The following CHL1 variants were observed in gnomAD, a reference collection of about 807,000 sequenced individuals.
CHL1 encodes the protein cell adhesion molecule L1 like, also known as neural cell adhesion molecule L1-like protein.
CHL1 carries 96 observed loss-of-function variants against 141.9 expected under a neutral mutation model. The ratio of observed to expected loss-of-function variants is 0.68; its 90% CI spans 0.57 to 0.80. CHL1 has a LOEUF of 0.80. Among genes scored for constraint, CHL1 ranks in the 30% least tolerant of loss-of-function variants. The probability of loss-of-function intolerance (pLI) is 0.00; values close to 1 mark genes in which losing one functional copy is unlikely to be tolerated. For synonymous variants in CHL1, 613 were observed against 502.2 expected, an observed-to-expected ratio of 1.22 and a Z score of -2.95; for missense variants, 1,820 against 1,457.2, an observed-to-expected ratio of 1.25 and a Z score of -4.05.
chr3:261,961 A>T (rs1311066354), intron 2 of CHL1, among the ~76,000 whole-genome samples: 1 of 133,472 alleles, frequency 7.5e-6, no homozygotes, highest in African/African-American at 2.9e-5. Context: ...GGCAGGATTC[A>T]CACGTTTAAG....
intron 2 of CHL1, among the ~76,000 whole-genome samples, chr3:250,937 A>G (rs1036949519): frequency 2.0e-5 from 3 of 152,138 alleles, no homozygotes; most frequent in Admixed American, 1.3e-4. Flanking sequence ...GTGGCTGTTA[A>G]GAGCCACAGG....
intron 1 of CHL1, among the ~76,000 whole-genome samples, chr3:226,427 T>TA (rs1318091278): frequency 3.4e-5 from 5 of 147,664 alleles, no homozygotes; most frequent in Non-Finnish European, 5.9e-5. Flanking sequence ...CACATATATA[T>TA]TTTTTAATTT....
intron 12 of CHL1, 137 bp downstream of exon 12, chr3:360,561 T>A: frequency 9.3e-6 from 8 of 861,288 alleles, no homozygotes; most frequent in Non-Finnish European, 1.4e-5. Context: ...TACATTTGAG[T>A]TTTAGACTTC....
intron 1 of CHL1, among the ~76,000 whole-genome samples, chr3:226,951 G>GTT (rs1438957124): frequency 6.6e-6 from 1 of 152,094 alleles, no homozygotes; most frequent in African/African-American, 2.4e-5. Flanking sequence ...AAAATGGAAA[G>GTT]TTTTTGCTAA....
intron 27 of CHL1, among the ~76,000 whole-genome samples, chr3:402,237 A>C (rs1002439056): frequency 1.3e-5 from 2 of 152,222 alleles, no homozygotes; most frequent in Non-Finnish European, 2.9e-5. Flanking sequence ...CATCCATAAG[A>C]GATAAGCTAA....
chr3:245,931 A>C (rs1693120359), intron 2 of CHL1, among the ~76,000 whole-genome samples: 1 of 152,106 alleles, frequency 6.6e-6, no homozygotes. Context: ...TTTCTCCAAG[A>C]GGGGTTCTCC....
chr3:389,148 A>G (rs1708021057), intron 19 of CHL1, 104 bp from the exon 20 acceptor site: 5 of 891,724 alleles, frequency 5.6e-6, no homozygotes, highest in Admixed American at 2.5e-5. Context: ...TCAACAAATG[A>G]CCATTTCATT....
At chr3:248,503 C>A (rs928746035) in intron 2 of CHL1, 3 of 152,016 alleles carry the variant, frequency 2.0e-5, no homozygotes, top group African/African-American at 7.2e-5. Flanking sequence ...ACACAAACGA[C>A]ATATTTAATG....
At chr3:342,445 A>G (rs1461647610) in intron 7 of CHL1, among the ~76,000 whole-genome samples, 1 of 152,140 alleles carries the variant, frequency 6.6e-6, no homozygotes, top group Non-Finnish European at 1.5e-5. Context: ...GGGGGAGAAA[A>G]CAACAGAGGC....
intron 6 of CHL1, 78 bp from the exon 7 acceptor site, chr3:341,834 G>A (rs1289646326): frequency 5.0e-6 from 6 of 1,199,814 alleles, no homozygotes; most frequent in African/African-American, 4.6e-5. Context: ...AAATAATAAT[G>A]TAAAAGAAAA....
intron 1 of CHL1, among the ~76,000 whole-genome samples, chr3:241,723 C>T (rs573880224): frequency 8.6e-5 from 13 of 152,024 alleles, no homozygotes; most frequent in Middle Eastern, 3.4e-3. Flanking sequence ...AATGTTGTTT[C>T]GCCTTAAATT....
At chr3:369,419 G>T (rs1284324013) in intron 15 of CHL1, among the ~76,000 whole-genome samples, 2 of 152,076 alleles carry the variant, frequency 1.3e-5, no homozygotes, top group African/African-American at 4.8e-5. Flanking sequence ...CTGGTGTAAA[G>T]GAATGCTTGT....
intron 1 of CHL1, among the ~76,000 whole-genome samples, chr3:208,582 C>A (rs1699640525): frequency 6.6e-6 from 1 of 152,180 alleles, no homozygotes; most frequent in African/African-American, 2.4e-5. Flanking sequence ...CTTTATTCAA[C>A]CAGATTTACA....
At chr3:401,883 A>G (rs748034564) in intron 27 of CHL1, among the ~76,000 whole-genome samples, 185 bp downstream of exon 27, 4 of 152,232 alleles carry the variant, frequency 2.6e-5, no homozygotes, top group Non-Finnish European at 4.4e-5. Context: ...GTGTGTGATG[A>G]GGGTGTATAA....
chr3:328,477 T>C, intron 5 of CHL1, 123 bp downstream of exon 5: 1 of 764,326 alleles, frequency 1.3e-6, no homozygotes, highest in Middle Eastern at 3.6e-4. Flanking sequence ...TGTCTTGTAT[T>C]TTATTTATAA....
At chr3:340,681 C>A in intron 5 of CHL1, 113 bp from the exon 6 acceptor site, 1 of 851,386 alleles carries the variant, frequency 1.2e-6, no homozygotes, top group South Asian at 1.9e-5. Context: ...GGATCTGTAG[C>A]ATAGAATTTA....
intron 1 of CHL1, among the ~76,000 whole-genome samples, chr3:220,152 G>A (rs964274865): frequency 6.3e-4 from 96 of 152,304 alleles, no homozygotes; most frequent in African/African-American, 2.2e-3. Flanking sequence ...TTTAAAGACT[G>A]GGGAGGGTGG....
intron 2 of CHL1, among the ~76,000 whole-genome samples, chr3:276,664 C>T (rs12630204): frequency 0.11 from 16,207 of 151,574 alleles, 1,408 homozygotes; most frequent in East Asian, 0.49. Context: ...CCGAGGGGGG[C>T]GGATCACGAG....
In CHL1 at chr3:394,742, T is replaced by C; in HGVS notation, c.2964T>C (p.Thr988=). ...IGELNDINIT[T]PSKPSWHLSN... ...AATTAAATGATATTAACATTACAACTCCATCAAAGCCCAGCTGGCACCTCT... is the reference window on the plus strand; with the variant it reads ...AATTAAATGATATTAACATTACAACCCCATCAAAGCCCAGCTGGCACCTCT... The change falls in exon 24 of 28, where the codon ACT becomes ACC. Residue 988 remains threonine (T), a synonymous_variant. Transcript: ENST00000256509. 1 of 1,613,810 alleles carries C rather than the reference T, an allele frequency of 6.2e-7. No individual in the cohort carries two copies. Among genetic ancestry groups the C allele is most frequent in the Non-Finnish European group, 8.5e-7 (1 of 1,179,826 alleles).
Sources: gnomAD v4.1 joint callset for allele counts (sites outside exome capture counted in the v4.1 genomes callset) on GRCh38, gnomAD v4.1.1 for gene constraint, MANE v1.5 for transcripts, NCBI Gene and HGNC (gene_info 2026-07-23, HGNC 2026-07-21) for gene names.